WNT9B: variants seen among roughly 807,000 people sequenced by gnomAD.
The protein encoded by WNT9B is Wnt family member 9B, also known as protein Wnt-9b.
A neutral mutation model predicts 30.2 loss-of-function variants in WNT9B; 12 were observed. The observed-to-expected ratio is 0.40, with a 90% CI of 0.26 to 0.64. WNT9B has a LOEUF of 0.64. Ranked by LOEUF, WNT9B falls within the 30% of genes least tolerant of loss-of-function variation. The pLI is 0.42. For missense variants in WNT9B, 442 were observed against 485.2 expected, an observed-to-expected ratio of 0.91 and a Z score of 0.84; for synonymous variants, 218 against 216.9, an observed-to-expected ratio of 1.01 and a Z score of -0.05.
At chr17:46,885,103 C>T, downstream of WNT9B, 1 of 433,090 alleles carries the variant, frequency 2.3e-6, no homozygotes, top group Non-Finnish European at 4.7e-6. Flanking sequence ...ATTCTCCCGT[C>T]TCAGCTGCCT....
At chr17:46,849,982 G>T (rs767147483), upstream of WNT9B, among the ~76,000 whole-genome samples, 8 of 152,058 alleles carry the variant, frequency 5.3e-5, no homozygotes, top group Non-Finnish European at 1.2e-4. Flanking sequence ...TGAGTAGCTG[G>T]GATTACAGGC....
intron 1 of WNT9B, among the ~76,000 whole-genome samples, chr17:46,861,885 C>T (rs746462150): frequency 2.6e-5 from 4 of 152,072 alleles, no homozygotes; most frequent in East Asian, 1.9e-4. Flanking sequence ...AAAAGTAGGC[C>T]GGGTGCAGTG....
At chr17:46,839,980 TC>T (rs1332433555) in intron 1 of WNT9B, among the ~76,000 whole-genome samples, 85 of 139,136 alleles carry the variant, frequency 6.1e-4, no homozygotes, top group African/African-American at 2.3e-3. Context: ...TTCTTTCTCT[TC>T]TTTCTTTCTT....
intron 1 of WNT9B, among the ~76,000 whole-genome samples, chr17:46,870,257 G>C (rs1048788516): frequency 6.6e-6 from 1 of 152,132 alleles, no homozygotes; most frequent in Non-Finnish European, 1.5e-5. Flanking sequence ...GTGTGAGAAG[G>C]AGGACATTTG....
intron 3 of WNT9B, among the ~76,000 whole-genome samples, chr17:46,875,640 T>A (rs2085333074): frequency 6.6e-6 from 1 of 152,154 alleles, no homozygotes; most frequent in South Asian, 2.1e-4. Flanking sequence ...TAGGACTAGG[T>A]CTGGTGAAGC....
intron 1 of WNT9B, among the ~76,000 whole-genome samples, chr17:46,841,970 G>T (rs1598828415): frequency 6.6e-6 from 1 of 152,200 alleles, no homozygotes; most frequent in Admixed American, 6.5e-5. Flanking sequence ...CGGCCGCCGC[G>T]AGCAGCGCTG....
intron 2 of WNT9B, among the ~76,000 whole-genome samples, chr17:46,873,925 G>T (rs1035725567): frequency 2.0e-5 from 3 of 151,072 alleles, no homozygotes; most frequent in Admixed American, 1.3e-4. Flanking sequence ...GGAGGTGGAG[G>T]TTGCAGTGAG....
intron 1 of WNT9B, among the ~76,000 whole-genome samples, chr17:46,835,058 G>A (rs1461465241): frequency 1.3e-5 from 2 of 152,066 alleles, no homozygotes; most frequent in Admixed American, 6.6e-5. Flanking sequence ...GCAGTAGTGC[G>A]ATCAGTGCTC....
chr17:46,885,282 C>T (rs540183944), downstream of WNT9B: 190 of 265,240 alleles, frequency 7.2e-4, no homozygotes, highest in African/African-American at 4.2e-3. Context: ...CTGGGATTAC[C>T]GGTGTGAGCC....
Position 46,852,278 on chromosome 17 carries a change from A to G in WNT9B, c.77+563A>G, listed in dbSNP as rs1269142693. 1.5e-4 allele frequency among the ~76,000 whole-genome samples: 15 copies of G among 99,468 alleles called. No individual in the cohort carries two copies. In the Admixed American group the frequency reaches 1.9e-3, roughly 12 times the overall value. The allele number at this position is 99,468 out of a possible 152,430, so 65.3% of individuals were successfully genotyped here. A position where few individuals can be genotyped will look rare whatever the true frequency, so the allele number is the denominator to read the frequency against. On this transcript the variant is annotated intron_variant, in intron 1 of 3. Transcript: ENST00000290015. Reference sequence around the variant, plus strand: ...AATGGGGGAAACCTCGGACGGTGAGAGCGCCAGCTGGAGACGCAGGAAGGA... The same window carrying G: ...AATGGGGGAAACCTCGGACGGTGAGGGCGCCAGCTGGAGACGCAGGAAGGA...
intron 1 of WNT9B, among the ~76,000 whole-genome samples, chr17:46,867,379 C>A (rs2085156617): frequency 6.6e-6 from 1 of 152,232 alleles, no homozygotes; most frequent in Admixed American, 6.5e-5. Context: ...AGTCTGGCTC[C>A]AGCCATCCCC....
At chr17:46,843,347 A>G (rs2084737776) in intron 1 of WNT9B, among the ~76,000 whole-genome samples, 1 of 152,150 alleles carries the variant, frequency 6.6e-6, no homozygotes, top group Non-Finnish European at 1.5e-5. Context: ...TATAATGACA[A>G]CCAGTGGGAA....
At chr17:46,883,048 T>A (rs1221287054), downstream of WNT9B, among the ~76,000 whole-genome samples, 3 of 151,546 alleles carry the variant, frequency 2.0e-5, no homozygotes, top group Admixed American at 6.6e-5. Flanking sequence ...GCATGATCTC[T>A]GCTCACTGCA....
At chr17:46,863,245 C>T (rs1266761877) in intron 1 of WNT9B, among the ~76,000 whole-genome samples, 1 of 152,232 alleles carries the variant, frequency 6.6e-6, no homozygotes, top group Non-Finnish European at 1.5e-5. Context: ...CACAGCGAAG[C>T]CAGCAGGGTG....
At chr17:46,874,917 A>T in intron 2 of WNT9B, 184 bp from the exon 3 acceptor site, 1 of 884,218 alleles carries the variant, frequency 1.1e-6, no homozygotes, top group Non-Finnish European at 1.9e-6. Context: ...GTCAGAATTT[A>T]AGGGGCAGTT....
rs892226431 is a variant in WNT9B at position 46,878,714 on chromosome 17, G to A, written c.*1996G>A. ...GCAGGGACCTCACTGGCAGAGCAGG[G>A]GGCCTGGGAGCAACGTGGAGGCCAG... is the stretch of plus-strand genomic sequence containing the variant. On this transcript the variant is annotated 3_prime_UTR_variant, in exon 4 of 4. Coordinates refer to ENST00000290015, the MANE Select transcript of WNT9B (RefSeq NM_003396.3). Among the ~76,000 whole-genome samples, 22 of 152,128 alleles carry A rather than the reference G, an allele frequency of 1.4e-4. No individual in the cohort carries two copies. The highest frequency in any genetic ancestry group is 5.3e-4 in the African/African-American group (22 of 41,424).
upstream of WNT9B, among the ~76,000 whole-genome samples, chr17:46,851,344 C>T (rs2084840127): frequency 6.7e-6 from 1 of 149,818 alleles, no homozygotes; most frequent in Admixed American, 6.6e-5. This position sits in a 1 kb window ranked among gnomAD's most constrained non-coding sequence, Gnocchi z 4.3. Flanking sequence ...ACCGCGACCC[C>T]GGGCGGGCGC....
chr17:46,833,469 A>T (rs1480127251), intron 1 of WNT9B: 1 of 489,292 alleles, frequency 2.0e-6, no homozygotes, highest in Non-Finnish European at 4.1e-6. Flanking sequence ...GGGACAGCCA[A>T]CCCACCCCGA....
At chr17:46,835,382 T>A (rs752486569) in intron 1 of WNT9B, among the ~76,000 whole-genome samples, 2 of 152,080 alleles carry the variant, frequency 1.3e-5, no homozygotes, top group Non-Finnish European at 2.9e-5. Flanking sequence ...CAGCTAATTT[T>A]TAATATTTTT....
Sources: gnomAD v4.1 joint callset for allele counts (sites outside exome capture counted in the v4.1 genomes callset) on GRCh38, gnomAD v4.1.1 for gene constraint, Gnocchi (gnomAD v3.1) non-coding constraint, MANE v1.5 for transcripts, NCBI Gene and HGNC (gene_info 2026-07-23, HGNC 2026-07-21) for gene names.